The following ATP8B4 variants were observed in gnomAD, a reference collection of about 807,000 sequenced individuals.
The protein encoded by ATP8B4 is ATPase phospholipid transporting 8B4 (putative), also known as probable phospholipid-transporting ATPase IM.
In ATP8B4, 133 loss-of-function variants were observed where a neutral mutation model predicts 145.6. That is an observed-to-expected ratio of 0.91 (90% CI 0.79 to 1.05). The LOEUF is 1.05. ATP8B4 is among the 50% of genes least tolerant of loss of function. The probability of loss-of-function intolerance (pLI) is 0.00; values close to 1 mark genes in which losing one functional copy is unlikely to be tolerated. For missense variants in ATP8B4, 1,458 were observed against 1,425.2 expected (o/e 1.02, Z -0.37); for synonymous variants, 507 against 492.9 (o/e 1.03, Z -0.38).
intron 14 of ATP8B4, among the ~76,000 whole-genome samples, chr15:49,936,245 T>G (rs2041725261): frequency 6.6e-6 from 1 of 152,174 alleles, no homozygotes; most frequent in Admixed American, 6.6e-5. Context: ...ATCCTGGGAT[T>G]ACTCTCTTGG....
chr15:49,917,329 T>A (rs1234292529), intron 19 of ATP8B4: 1 of 321,194 alleles, frequency 3.1e-6, no homozygotes, highest in South Asian at 8.0e-5. Flanking sequence ...AAATTAGCAC[T>A]CATGAAAATA....
intron 14 of ATP8B4, among the ~76,000 whole-genome samples, chr15:49,958,957 T>C (rs1599431325): frequency 6.6e-6 from 1 of 151,918 alleles, no homozygotes; most frequent in South Asian, 2.1e-4. Flanking sequence ...GAAGGAAGGA[T>C]CCCTTATTTA....
At chr15:50,129,514 A>G (rs1423298378) in intron 1 of ATP8B4, among the ~76,000 whole-genome samples, 3 of 151,898 alleles carry the variant, frequency 2.0e-5, no homozygotes, top group Non-Finnish European at 2.9e-5. Flanking sequence ...CTGTTTCTTC[A>G]TGTCTTTATA....
chr15:50,138,325 GGTAGATAGA>G (rs2044154902), intron 1 of ATP8B4, among the ~76,000 whole-genome samples: 1 of 113,274 alleles, frequency 8.8e-6, no homozygotes. Flanking sequence ...TAGATAGATA[GGTAGATAGA>G]TAGATAGATA....
intron 2 of ATP8B4, among the ~76,000 whole-genome samples, chr15:50,080,765 G>A (rs1436563578): frequency 2.0e-5 from 3 of 151,974 alleles, no homozygotes; most frequent in Admixed American, 6.6e-5. Context: ...CAATTAAGGT[G>A]TTGTTCCCCT....
At chr15:49,985,575 A>AG (rs2046534055) in intron 10 of ATP8B4, among the ~76,000 whole-genome samples, 1 of 152,244 alleles carries the variant, frequency 6.6e-6, no homozygotes, top group South Asian at 2.1e-4. Flanking sequence ...ACCAGACTAA[A>AG]GTCAATGCAG....
intron 14 of ATP8B4, among the ~76,000 whole-genome samples, chr15:49,952,598 AC>A (rs2153494143): frequency 6.6e-6 from 1 of 152,064 alleles, no homozygotes; most frequent in East Asian, 1.9e-4. Context: ...AATTCCTCTA[AC>A]CTTTTATCAA....
chr15:50,100,037 A>AAT (rs1277843222), intron 2 of ATP8B4, among the ~76,000 whole-genome samples: 4 of 147,308 alleles, frequency 2.7e-5, no homozygotes, highest in African/African-American at 1.0e-4. Flanking sequence ...CTCCATCTCA[A>AAT]AAAAAAAAAA....
chr15:49,979,961 G>T (rs558799972), intron 11 of ATP8B4, 148 bp from the exon 12 acceptor site: 15 of 524,562 alleles, frequency 2.9e-5, no homozygotes, highest in Non-Finnish European at 4.2e-5. Context: ...TATGAATTAC[G>T]TCAGGAACTC....
intron 1 of ATP8B4, among the ~76,000 whole-genome samples, chr15:50,161,589 T>C (rs1253903075): frequency 1.3e-5 from 2 of 151,978 alleles, no homozygotes; most frequent in Non-Finnish European, 2.9e-5. Context: ...AGCCATTAGT[T>C]TAAACTGCTA....
intron 3 of ATP8B4, among the ~76,000 whole-genome samples, chr15:50,058,507 G>GA (rs2052767790): frequency 6.6e-6 from 1 of 152,182 alleles, no homozygotes; most frequent in African/African-American, 2.4e-5. Flanking sequence ...CACCCATAAA[G>GA]AATTTTCCAA....
chr15:50,089,257 C>A (rs1362414900), intron 2 of ATP8B4, among the ~76,000 whole-genome samples: 2 of 151,982 alleles, frequency 1.3e-5, no homozygotes, highest in African/African-American at 4.8e-5. Context: ...GCAATTGCAA[C>A]AAAAGTAAAA....
chr15:49,933,400 A>G (rs1235999191), intron 15 of ATP8B4, among the ~76,000 whole-genome samples: 2 of 152,080 alleles, frequency 1.3e-5, no homozygotes, highest in Non-Finnish European at 2.9e-5. Context: ...CCAGTTCACT[A>G]TACCATTATC....
chr15:49,896,045 G>C (rs2037361143), intron 23 of ATP8B4: 1 of 152,136 alleles, frequency 6.6e-6, no homozygotes. Flanking sequence ...GAAGCCACAG[G>C]CCACATTCCA....
intron 14 of ATP8B4, among the ~76,000 whole-genome samples, chr15:49,956,680 T>C (rs1310889708): frequency 6.6e-6 from 1 of 152,134 alleles, no homozygotes; most frequent in Non-Finnish European, 1.5e-5. Flanking sequence ...TGTCTAGGAC[T>C]ACAGGTGTGC....
chr15:49,915,368 G>C (rs142821019), intron 20 of ATP8B4, among the ~76,000 whole-genome samples: 223 of 152,176 alleles, frequency 1.5e-3, no homozygotes, highest in African/African-American at 5.2e-3. Flanking sequence ...ATAGTTAGAT[G>C]GAAGGAATAA....
At chr15:49,979,553 A>G in intron 12 of ATP8B4, 64 bp downstream of exon 12, 1 of 1,306,660 alleles carries the variant, frequency 7.7e-7, no homozygotes, top group Non-Finnish European at 1.0e-6. Context: ...ACTTTAAAAC[A>G]AATAATATTG....
In ATP8B4 at chr15:49,901,247, G is replaced by A. The variant is rs919399581; in HGVS notation, c.2142-8C>T. ...AAATTTTGTTTTGCTTTCCTTAAAG[G>A]AGAGGGTGAAAAGTGAAACATAACA... On this transcript the variant is annotated splice_polypyrimidine_tract_variant and splice_region_variant and intron_variant, in intron 20 of 27. Coordinates refer to ENST00000284509, the MANE Select transcript of ATP8B4 (RefSeq NM_024837.4). 6.2e-7 allele frequency: 1 copy of A among 1,612,132 alleles called. No homozygotes were observed. Among genetic ancestry groups the A allele is most frequent in the Non-Finnish European group, 8.5e-7 (1 of 1,178,904 alleles).
chr15:49,897,807 G>A (rs550109593), intron 22 of ATP8B4, among the ~76,000 whole-genome samples: 98 of 152,284 alleles, frequency 6.4e-4, no homozygotes, highest in African/African-American at 2.1e-3. Flanking sequence ...CCTCTACACC[G>A]TAGCTACTTA....
Sources: gnomAD v4.1 joint callset for allele counts (sites outside exome capture counted in the v4.1 genomes callset) on GRCh38, gnomAD v4.1.1 for gene constraint, MANE v1.5 for transcripts, NCBI Gene and HGNC (gene_info 2026-07-23, HGNC 2026-07-21) for gene names.